The following KLF13 variants were observed in gnomAD, a reference collection of about 807,000 sequenced individuals.
KLF13 encodes KLF transcription factor 13.
KLF13 carries 8 observed loss-of-function variants against 16.7 expected under a neutral mutation model. The ratio of observed to expected loss-of-function variants is 0.48; its 90% CI spans 0.28 to 0.87. The LOEUF is 0.87. Among genes scored for constraint, KLF13 ranks in the 40% least tolerant of loss-of-function variants. The probability of loss-of-function intolerance (pLI) is 0.10; values close to 1 mark genes in which losing one functional copy is unlikely to be tolerated. For missense variants in KLF13, 447 were observed against 452.2 expected (o/e 0.99, Z 0.10); for synonymous variants, 245 against 208.4 (o/e 1.18, Z -1.51).
chr15:31,340,786 T>G (rs1219660123), intron 1 of KLF13, among the ~76,000 whole-genome samples: 1 of 152,136 alleles, frequency 6.6e-6, no homozygotes, highest in East Asian at 1.9e-4. Flanking sequence ...GGAGGATCAC[T>G]TGAGCCCAGG....
Position 31,372,590 on chromosome 15 carries a change from C to T in KLF13, c.*291C>T. 3 of 442,738 alleles carry T rather than the reference C, an allele frequency of 6.8e-6. No individual in the cohort carries two copies. Among genetic ancestry groups the T allele is most frequent in the Non-Finnish European group, 1.2e-5 (3 of 252,068 alleles). 27.4% of individuals were successfully genotyped at this position (442,738 alleles called of 1,614,324 possible). A position where few individuals can be genotyped will look rare whatever the true frequency, so the allele number is the denominator to read the frequency against. On this transcript the variant is annotated 3_prime_UTR_variant, in exon 2 of 2. Coordinates refer to ENST00000307145, the MANE Select transcript of KLF13 (RefSeq NM_015995.4). Reference sequence around the variant, plus strand: ...CACGAGGTCAGTGAGGACACCCCTTCCTGCCGCCTTACTCTGTACATAGAT... The same window carrying T: ...CACGAGGTCAGTGAGGACACCCCTTTCTGCCGCCTTACTCTGTACATAGAT...
chr15:31,341,061 C>A (rs1334526441), intron 1 of KLF13, among the ~76,000 whole-genome samples: 2 of 152,174 alleles, frequency 1.3e-5, no homozygotes, highest in Non-Finnish European at 2.9e-5. Context: ...ATTGGATCGC[C>A]TCATGGAAGC....
intron 1 of KLF13, among the ~76,000 whole-genome samples, chr15:31,412,031 T>G (rs1429011989): frequency 2.6e-5 from 4 of 152,110 alleles, no homozygotes; most frequent in Non-Finnish European, 1.5e-5. Flanking sequence ...TCCCAGGAAG[T>G]TATATATTGA....
chr15:31,331,225 C>T (rs2140929561), intron 1 of KLF13, among the ~76,000 whole-genome samples: 1 of 152,316 alleles, frequency 6.6e-6, no homozygotes, highest in South Asian at 2.1e-4. Context: ...TTCTGGGGGT[C>T]CCATGGAAAG....
intron 1 of KLF13, among the ~76,000 whole-genome samples, chr15:31,358,869 C>A (rs910029362): frequency 6.6e-6 from 1 of 152,208 alleles, no homozygotes; most frequent in Non-Finnish European, 1.5e-5. Context: ...GGATGTTAAC[C>A]GCACACTGGC....
chr15:31,401,651 C>T (rs2140992469), intron 2 of KLF13, among the ~76,000 whole-genome samples: 2 of 152,008 alleles, frequency 1.3e-5, no homozygotes, highest in Middle Eastern at 3.4e-3. Context: ...TAATAACACT[C>T]AGCGGGAAAG....
At chr15:31,425,444 T>C (rs1484327434) in intron 1 of KLF13, among the ~76,000 whole-genome samples, 1 of 152,156 alleles carries the variant, frequency 6.6e-6, no homozygotes, top group Non-Finnish European at 1.5e-5. Flanking sequence ...ACCAATAGAA[T>C]ATAAGAGAGA....
intron 1 of KLF13, among the ~76,000 whole-genome samples, chr15:31,330,581 CT>C (rs1218189792): frequency 6.6e-6 from 1 of 152,208 alleles, no homozygotes; most frequent in Non-Finnish European, 1.5e-5. Flanking sequence ...TCTGGAGGCA[CT>C]TGTGGTCCCT....
At chr15:31,349,683 A>G (rs2039185301) in intron 1 of KLF13, among the ~76,000 whole-genome samples, 1 of 152,154 alleles carries the variant, frequency 6.6e-6, no homozygotes, top group African/African-American at 2.4e-5. Flanking sequence ...CTCCGGGCCC[A>G]TGTGAGGCGA....
At chr15:31,427,396 G>A (rs1315864715) in intron 1 of KLF13, among the ~76,000 whole-genome samples, 1 of 151,910 alleles carries the variant, frequency 6.6e-6, no homozygotes, top group Non-Finnish European at 1.5e-5. Flanking sequence ...AGAAAAATTG[G>A]AACCAGTACG....
intron 1 of KLF13, among the ~76,000 whole-genome samples, chr15:31,330,635 C>G (rs2038811594): frequency 6.6e-6 from 1 of 152,254 alleles, no homozygotes; most frequent in Non-Finnish European, 1.5e-5. Flanking sequence ...ACTCTCTGAA[C>G]AGCTGCATGC....
intron 1 of KLF13, among the ~76,000 whole-genome samples, chr15:31,387,784 C>T (rs1055079305): frequency 7.2e-5 from 11 of 152,234 alleles, no homozygotes; most frequent in African/African-American, 1.2e-4. Context: ...GTCCCTACAA[C>T]GGGCAGATTG....
At chr15:31,412,449 C>T (rs540393011) in intron 1 of KLF13, among the ~76,000 whole-genome samples, 64 of 150,724 alleles carry the variant, frequency 4.2e-4, no homozygotes, top group Admixed American at 2.2e-3. Flanking sequence ...ATTGTACATG[C>T]GGAAAAGTCC....
At chr15:31,342,044 A>G (rs1318590242) in intron 1 of KLF13, among the ~76,000 whole-genome samples, 1 of 152,174 alleles carries the variant, frequency 6.6e-6, no homozygotes, top group Non-Finnish European at 1.5e-5. Flanking sequence ...TCAGGTACCA[A>G]CAGGCTGTAC....
chr15:31,429,436 G>T (rs577351999), intron 1 of KLF13, among the ~76,000 whole-genome samples: 1 of 152,250 alleles, frequency 6.6e-6, no homozygotes, highest in South Asian at 2.1e-4. Flanking sequence ...CTGGAAGAGG[G>T]GGGAATAGTG....
Position 31,410,026 on chromosome 15 carries a change from T to C in KLF13, n.117+16335T>C, listed in dbSNP as rs1255832287. Among the ~76,000 whole-genome samples the C allele has an allele frequency of 3.3e-5, 5 of 152,256 alleles. No homozygotes were observed. The East Asian group carries it at 9.6e-4, about 29-fold the overall frequency. On this transcript the variant is annotated intron_variant and non_coding_transcript_variant, in intron 1 of 1. Transcript: ENST00000558225. ...TTTTAATTGCTCTAAAAGACAACGG[T>C]CTCAAGCAAACTATAAGATCAGTGT...
downstream of KLF13, among the ~76,000 whole-genome samples, chr15:31,408,368 C>T (rs2040152634): frequency 2.0e-5 from 3 of 152,288 alleles, no homozygotes; most frequent in Non-Finnish European, 2.9e-5. Flanking sequence ...CTATCCCTCC[C>T]TTGTCCCTCA....
intron 2 of KLF13, among the ~76,000 whole-genome samples, chr15:31,398,113 A>C (rs2039981170): frequency 6.6e-6 from 1 of 152,156 alleles, no homozygotes; most frequent in Non-Finnish European, 1.5e-5. Flanking sequence ...AATTTACCTG[A>C]TCTCTCGGAT....
chr15:31,334,400 C>T (rs149272585), intron 1 of KLF13, among the ~76,000 whole-genome samples: 80 of 152,142 alleles, frequency 5.3e-4, no homozygotes, highest in African/African-American at 1.9e-3. Flanking sequence ...CCTAAGTCCA[C>T]ACACCTGAAC....
Sources: gnomAD v4.1 joint callset for allele counts (sites outside exome capture counted in the v4.1 genomes callset) on GRCh38, gnomAD v4.1.1 for gene constraint, MANE v1.5 for transcripts, NCBI Gene and HGNC (gene_info 2026-07-23, HGNC 2026-07-21) for gene names.